RNFT2: variants seen among roughly 807,000 people sequenced by gnomAD.
The protein encoded by RNFT2 is ring finger protein, transmembrane 2, also known as E3 ubiquitin-protein ligase RNFT2.
A neutral mutation model predicts 53.0 loss-of-function variants in RNFT2; 36 were observed. That is an observed-to-expected ratio of 0.68 (90% CI 0.52 to 0.90). The LOEUF (loss-of-function observed/expected upper bound fraction) is 0.90. Among genes scored for constraint, RNFT2 ranks in the 40% least tolerant of loss-of-function variants. RNFT2 has a pLI of 0.00. For missense variants in RNFT2, 514 were observed against 585.6 expected, an observed-to-expected ratio of 0.88 and a Z score of 1.26; for synonymous variants, 260 against 253.2, an observed-to-expected ratio of 1.03 and a Z score of -0.26.
intron 5 of RNFT2, chr12:116,755,792 G>T: frequency 1.0e-5 from 16 of 1,535,922 alleles, no homozygotes; most frequent in Non-Finnish European, 1.4e-5. Flanking sequence ...CATATACATG[G>T]CCAAAGGAAC....
In RNFT2 at chr12:116,849,419, G is replaced by A. The variant is rs760758657; in HGVS notation, c.1306G>A (p.Ala436Thr). ...CACCCTGCGCTGCTGGAAGGACGGC[G>A]CCACGTCCGCACACTTCCAGGTGTA... ...VDTLRCWKDG[A>T]TSAHFQVY The change falls in exon 11 of 11, where the codon GCC becomes ACC. Residue 436 changes from alanine (A) to threonine (T), a missense_variant. This residue lies in a region of RNFT2 where 273 missense variants were observed against 334.4 expected (regional missense o/e 0.82). Coordinates refer to ENST00000257575, the MANE Select transcript of RNFT2 (RefSeq NM_001382266.1). 7 of 1,589,162 alleles carry A rather than the reference G, an allele frequency of 4.4e-6. No individual in the cohort carries two copies. Among genetic ancestry groups the A allele is most frequent in the East Asian group, 2.3e-5 (1 of 43,862 alleles).
At chr12:116,787,453 A>T (rs575131098) in intron 7 of RNFT2, among the ~76,000 whole-genome samples, 1 of 152,330 alleles carries the variant, frequency 6.6e-6, no homozygotes, top group South Asian at 2.1e-4. Flanking sequence ...CACACCTGTA[A>T]TCCCTGTTTT....
chr12:116,761,939 C>T (rs1185357510), intron 5 of RNFT2, among the ~76,000 whole-genome samples: 12 of 152,002 alleles, frequency 7.9e-5, no homozygotes, highest in African/African-American at 2.7e-4. Context: ...CGGTGGCTCA[C>T]GCCTGTAATC....
At chr12:116,831,817 A>G (rs542512815) in intron 7 of RNFT2, among the ~76,000 whole-genome samples, 1 of 152,024 alleles carries the variant, frequency 6.6e-6, no homozygotes, top group African/African-American at 2.4e-5. Context: ...CCCCATCCCA[A>G]TCAAGATATA....
At chr12:116,810,097 C>T (rs937019574) in intron 7 of RNFT2, among the ~76,000 whole-genome samples, 2 of 152,168 alleles carry the variant, frequency 1.3e-5, no homozygotes, top group African/African-American at 4.8e-5. Context: ...CCCAGAGTGC[C>T]GAGACCTATG....
chr12:116,753,835 C>A, intron 4 of RNFT2, 149 bp from the exon 5 acceptor site: 1 of 614,308 alleles, frequency 1.6e-6, no homozygotes, highest in Non-Finnish European at 2.9e-6. Flanking sequence ...CAGCCCAAAT[C>A]CCCAAGAAGT....
At chr12:116,747,826 C>T (rs762946401) in intron 3 of RNFT2, among the ~76,000 whole-genome samples, 2 of 152,056 alleles carry the variant, frequency 1.3e-5, no homozygotes, top group African/African-American at 4.8e-5. Flanking sequence ...ACATGCACGT[C>T]GAGCACATCG....
intron 7 of RNFT2, among the ~76,000 whole-genome samples, chr12:116,781,681 A>G (rs1448250372): frequency 6.6e-6 from 1 of 151,980 alleles, no homozygotes; most frequent in Non-Finnish European, 1.5e-5. Flanking sequence ...CTGTGATGAC[A>G]CTGGCCCCAC....
chr12:116,742,512 C>A (rs1181930157), intron 3 of RNFT2, among the ~76,000 whole-genome samples: 1 of 152,108 alleles, frequency 6.6e-6, no homozygotes, highest in Non-Finnish European at 1.5e-5. Flanking sequence ...AGCGATCTGT[C>A]CGACTTGGCC....
At chr12:116,771,501 A>ATG in intron 6 of RNFT2, among the ~76,000 whole-genome samples, 1 of 104,722 alleles carries the variant, frequency 9.5e-6, no homozygotes, top group East Asian at 2.8e-4. Context: ...AAAAATACGT[A>ATG]TATGAGCAAT....
chr12:116,765,008 T>C (rs1872848810), intron 5 of RNFT2, among the ~76,000 whole-genome samples: 1 of 152,198 alleles, frequency 6.6e-6, no homozygotes, highest in African/African-American at 2.4e-5. Flanking sequence ...GATCTCTGTA[T>C]CCATGGACGG....
In RNFT2 at chr12:116,850,374, G is replaced by C. The variant is rs1269044342; in HGVS notation, c.*926G>C. 1 of 151,168 alleles carries C rather than the reference G, an allele frequency of 6.6e-6. No individual in the cohort carries two copies. Among genetic ancestry groups the C allele is most frequent in the Middle Eastern group, 3.2e-3 (1 of 314 alleles). 9.4% of individuals were successfully genotyped at this position (151,168 alleles called of 1,614,324 possible). ...AGGCGAGGACTTATTATGTTGTCCA[G>C]GGTGTTCTCAAACTCCTGGGCTCAA... On this transcript the variant is annotated 3_prime_UTR_variant, in exon 11 of 11. Transcript: ENST00000257575.
intron 7 of RNFT2, among the ~76,000 whole-genome samples, chr12:116,808,067 C>T (rs895264243): frequency 2.6e-5 from 4 of 152,030 alleles, no homozygotes; most frequent in Admixed American, 1.3e-4. Context: ...AGGTTCAAGT[C>T]GTTCTCCTGC....
At chr12:116,751,047 T>G (rs1872229849) in intron 4 of RNFT2, among the ~76,000 whole-genome samples, 1 of 150,696 alleles carries the variant, frequency 6.6e-6, no homozygotes, top group Non-Finnish European at 1.5e-5. Flanking sequence ...CCTGAGTAGC[T>G]GGGACTACAG....
intron 7 of RNFT2, among the ~76,000 whole-genome samples, chr12:116,825,661 C>T (rs982879927): frequency 2.0e-5 from 3 of 152,204 alleles, no homozygotes. Context: ...ATTTATACCA[C>T]AGAAATTGGC....
At chr12:116,822,188 G>T (rs543926608) in intron 7 of RNFT2, among the ~76,000 whole-genome samples, 17 of 151,968 alleles carry the variant, frequency 1.1e-4, no homozygotes, top group Non-Finnish European at 2.2e-4. Flanking sequence ...TAGTTCTGAT[G>T]ACACCGTCAG....
At position 116,850,584 on chromosome 12, in the gene RNFT2, C is replaced by T. The variant is rs547706074; in HGVS notation, c.*1136C>T. On this transcript the variant is annotated 3_prime_UTR_variant, in exon 11 of 11. Coordinates refer to ENST00000257575, the MANE Select transcript of RNFT2 (RefSeq NM_001382266.1). ...TAGCCCAGGCCTGCAGATTAGAATC[C>T]CTGTGAGCCCTGTGAAGTATTTTTT... 6.6e-6 allele frequency: 1 copy of T among 150,690 alleles called. No individual in the cohort carries two copies. Among genetic ancestry groups the T allele is most frequent in the East Asian group, 2.0e-4 (1 of 5,074 alleles). 9.3% of individuals were successfully genotyped at this position (150,690 alleles called of 1,614,324 possible).
At chr12:116,753,630 G>C (rs999442382) in intron 4 of RNFT2, among the ~76,000 whole-genome samples, 3 of 152,126 alleles carry the variant, frequency 2.0e-5, no homozygotes, top group African/African-American at 7.2e-5. Context: ...TTACAGATGA[G>C]GAAACTGGGG....
At chr12:116,746,169 A>C (rs1470231600) in intron 3 of RNFT2, among the ~76,000 whole-genome samples, 2 of 152,104 alleles carry the variant, frequency 1.3e-5, no homozygotes, top group African/African-American at 4.8e-5. Flanking sequence ...CCCGGGAGGC[A>C]GAGGTTGCAG....
Sources: allele counts gnomAD v4.1 joint callset (sites outside exome capture counted in the v4.1 genomes callset), GRCh38; gene constraint gnomAD v4.1.1; regional missense constraint gnomAD v4.1.1; transcripts MANE v1.5; gene names NCBI Gene and HGNC (gene_info 2026-07-23, HGNC 2026-07-21).